OIT3: variants seen among roughly 807,000 people sequenced by gnomAD.
The protein encoded by OIT3 is oncoprotein induced transcript 3, also known as oncoprotein-induced transcript 3 protein.
A neutral mutation model predicts 52.2 loss-of-function variants in OIT3; 41 were observed. The ratio of observed to expected loss-of-function variants is 0.79; its 90% CI spans 0.61 to 1.02. The LOEUF (loss-of-function observed/expected upper bound fraction) is 1.02. Ranked by LOEUF, OIT3 falls within the 50% of genes least tolerant of loss-of-function variation. The pLI is 0.00. For synonymous variants in OIT3, 244 were observed against 276.9 expected, an observed-to-expected ratio of 0.88 and a Z score of 1.18; for missense variants, 634 against 715.5, an observed-to-expected ratio of 0.89 and a Z score of 1.30.
intron 1 of OIT3, 106 bp downstream of exon 1, chr10:72,893,965 C>T: frequency 6.0e-6 from 4 of 664,404 alleles, no homozygotes; most frequent in Non-Finnish European, 5.0e-6. Context: ...AATGCTAGCT[C>T]TAGAATCTTG....
intron 4 of OIT3, among the ~76,000 whole-genome samples, chr10:72,910,369 A>G (rs1846019161): frequency 6.6e-6 from 1 of 152,224 alleles, no homozygotes; most frequent in Non-Finnish European, 1.5e-5. Flanking sequence ...ACACAGATGT[A>G]TAATGGCCAG....
chr10:72,896,562 A>G (rs914998790), intron 1 of OIT3, among the ~76,000 whole-genome samples: 1 of 152,206 alleles, frequency 6.6e-6, no homozygotes, highest in East Asian at 1.9e-4. Flanking sequence ...TTACATTGTC[A>G]TATTTTCTTG....
chr10:72,898,982 GCTA>G lies in OIT3; in HGVS notation c.384_386del (p.Tyr129del), dbSNP rs777415255. The G allele has an allele frequency of 1.1e-5, 17 of 1,614,030 alleles. No individual in the cohort carries two copies. The African/African-American group carries it at 2.0e-4, about 19-fold the overall frequency. The stretch of plus-strand genomic sequence containing the variant: ...GTGGAAGTCAAGGCTTGCCCTGGAG[GCTA>G]CTATGTGTATCGTCTGACCAAGCCC... On this transcript the variant is annotated inframe_deletion, in exon 2 of 9. Transcript: ENST00000334011.
At chr10:72,906,989 A>T (rs1432949902) in intron 4 of OIT3, among the ~76,000 whole-genome samples, 1 of 152,226 alleles carries the variant, frequency 6.6e-6, no homozygotes, top group Non-Finnish European at 1.5e-5. Flanking sequence ...TGTTCTGGCC[A>T]GGTGCAGTGG....
At chr10:72,912,471 A>G (rs761548881) in intron 5 of OIT3, among the ~76,000 whole-genome samples, 2 of 151,886 alleles carry the variant, frequency 1.3e-5, no homozygotes, top group Non-Finnish European at 2.9e-5. Flanking sequence ...GGGTTTCACC[A>G]TGTTGGCCAG....
At position 72,907,212 on chromosome 10, in the gene OIT3, G is replaced by T. The variant is rs149378135; in HGVS notation, c.667+494G>T. Among the ~76,000 whole-genome samples the T allele has an allele frequency of 1.8e-4, 28 of 152,206 alleles. No homozygotes were observed. In the East Asian group the frequency reaches 4.6e-3, roughly 25 times the overall value. On this transcript the variant is annotated intron_variant, in intron 4 of 8. Transcript: ENST00000334011. ...TACTTGAGCCCAAGAGTTTGAGGCT[G>T]CATTAAGCTATGATTGCGCCACTGC...
At chr10:72,905,111 C>G (rs1027652883) in intron 3 of OIT3, among the ~76,000 whole-genome samples, 2 of 152,184 alleles carry the variant, frequency 1.3e-5, no homozygotes, top group African/African-American at 4.8e-5. Flanking sequence ...CCAAGCCATT[C>G]ACAGGGGACT....
chr10:72,919,926 C>T (rs531731013), intron 6 of OIT3, among the ~76,000 whole-genome samples: 28 of 152,244 alleles, frequency 1.8e-4, no homozygotes, highest in Admixed American at 1.6e-3. Flanking sequence ...TGTTGTGTCT[C>T]TGCCAGATTT....
intron 1 of OIT3, among the ~76,000 whole-genome samples, chr10:72,895,041 G>A (rs1439983555): frequency 6.6e-6 from 1 of 152,148 alleles, no homozygotes; most frequent in Non-Finnish European, 1.5e-5. Context: ...GGTATCAATA[G>A]TGGGTCATTA....
At chr10:72,894,952 T>A (rs1268455213) in intron 1 of OIT3, among the ~76,000 whole-genome samples, 1 of 151,860 alleles carries the variant, frequency 6.6e-6, no homozygotes, top group Non-Finnish European at 1.5e-5. Context: ...CACCTAAAGG[T>A]AATGTGGGAT....
At chr10:72,923,022 C>T (rs1243220290) in intron 6 of OIT3, among the ~76,000 whole-genome samples, 2 of 152,116 alleles carry the variant, frequency 1.3e-5, no homozygotes, top group East Asian at 3.9e-4. Flanking sequence ...ATTACAGGCC[C>T]CTGCCATGAC....
chr10:72,907,754 A>G (rs971680788), intron 4 of OIT3, among the ~76,000 whole-genome samples: 3 of 152,146 alleles, frequency 2.0e-5, no homozygotes, highest in Non-Finnish European at 2.9e-5. Context: ...AAAATAATCT[A>G]TTTTATTTTA....
chr10:72,900,522 A>G (rs752663262), intron 3 of OIT3, 38 bp downstream of exon 3: 1 of 1,151,000 alleles, frequency 8.7e-7, no homozygotes. Flanking sequence ...GGCTATTAGG[A>G]TCGAAAGGAC....
At chr10:72,899,543 C>T (rs549385922) in intron 2 of OIT3, among the ~76,000 whole-genome samples, 170 of 144,432 alleles carry the variant, frequency 1.2e-3, no homozygotes, top group African/African-American at 4.1e-3. Context: ...TGCGGTGAGG[C>T]GAAAATCGTG....
chr10:72,924,462 G>A lies in OIT3; in HGVS notation c.1185G>A (p.Lys395=). 1.2e-6 allele frequency: 2 copies of A among 1,614,110 alleles called. No homozygotes were observed. Among genetic ancestry groups the A allele is most frequent in the Non-Finnish European group, 1.7e-6 (2 of 1,179,952 alleles). Residue 395 remains lysine (K), a synonymous_variant, in exon 7 of 9, where the codon AAG becomes AAA. Coordinates refer to ENST00000334011, the MANE Select transcript of OIT3 (RefSeq NM_152635.3). ...GIFPFTLEIF[K]DNEFEEPYRE... ...TCCCATTCACTCTGGAGATCTTCAAGGACAATGAGTTTGAAGAGCCTTACC... is the reference window on the plus strand; with the variant it reads ...TCCCATTCACTCTGGAGATCTTCAAAGACAATGAGTTTGAAGAGCCTTACC...
chr10:72,930,682 T>A, intron 8 of OIT3, 45 bp downstream of exon 8: 16 of 586,186 alleles, frequency 2.7e-5, no homozygotes, highest in East Asian at 5.5e-5. Context: ...CCTGAGCCTT[T>A]TTTTTTTTTT....
chr10:72,924,842 T>C (rs1846154876), intron 7 of OIT3, among the ~76,000 whole-genome samples, 198 bp downstream of exon 7: 1 of 152,128 alleles, frequency 6.6e-6, no homozygotes, highest in Non-Finnish European at 1.5e-5. Context: ...CCAGGTGCAG[T>C]GGTTCACACC....
intron 7 of OIT3, among the ~76,000 whole-genome samples, chr10:72,928,434 T>C (rs779689587): frequency 3.9e-4 from 59 of 152,254 alleles, no homozygotes; most frequent in Non-Finnish European, 2.9e-4. Flanking sequence ...GTTTCTGTTC[T>C]GCAATGTGTT....
intron 6 of OIT3, among the ~76,000 whole-genome samples, chr10:72,919,528 T>G (rs1181905962): frequency 1.3e-5 from 2 of 152,174 alleles, no homozygotes; most frequent in Non-Finnish European, 2.9e-5. Context: ...CTTGTGCTTG[T>G]TTTGAAGGGG....
Sources: gnomAD v4.1 joint callset for allele counts (sites outside exome capture counted in the v4.1 genomes callset) on GRCh38, gnomAD v4.1.1 for gene constraint, MANE v1.5 for transcripts, NCBI Gene and HGNC (gene_info 2026-07-23, HGNC 2026-07-21) for gene names.